KIAA2012: variants seen among roughly 807,000 people sequenced by gnomAD.
The protein encoded by KIAA2012 is uncharacterized protein KIAA2012.
A neutral mutation model predicts 150.6 loss-of-function variants in KIAA2012; 125 were observed. The ratio of observed to expected loss-of-function variants is 0.83; its 90% CI spans 0.72 to 0.96. The LOEUF (loss-of-function observed/expected upper bound fraction) is 0.96. KIAA2012 is among the 40% of genes least tolerant of loss of function. The pLI is 0.00. For missense variants in KIAA2012, 1,219 were observed against 1,354.9 expected (o/e 0.90, Z 1.57); for synonymous variants, 462 against 504.7 (o/e 0.92, Z 1.13).
intron 22 of KIAA2012, 106 bp downstream of exon 22, chr2:202,197,125 C>G: frequency 2.0e-6 from 3 of 1,500,014 alleles, no homozygotes; most frequent in African/African-American, 2.8e-5. Context: ...AAAGTCCCCC[C>G]ACCCCCAGCA....
chr2:202,138,351 T>C, intron 12 of KIAA2012, 81 bp from the exon 13 acceptor site: 1 of 906,934 alleles, frequency 1.1e-6, no homozygotes, highest in Middle Eastern at 2.1e-4. Flanking sequence ...TAGGTGTGTG[T>C]GTGTGTATGG....
chr2:202,074,512 C>T (rs1314421938), intron 1 of KIAA2012, among the ~76,000 whole-genome samples: 1 of 152,186 alleles, frequency 6.6e-6, no homozygotes, highest in Non-Finnish European at 1.5e-5. Context: ...GCTTGGAATG[C>T]TCCTATTTAA....
In KIAA2012 at chr2:202,187,817, A is replaced by T. The variant is rs148648286; in HGVS notation, c.2377-335A>T. ...GATTTAGAATAGTTAACCATTAATC[A>T]TGGCAACACCAATCTATCAAAGGTG... is the stretch of plus-strand genomic sequence containing the variant. On this transcript the variant is annotated intron_variant, in intron 17 of 23. Coordinates refer to ENST00000498697, the MANE Select transcript of KIAA2012 (RefSeq NM_001277372.4). 9.2e-5 allele frequency among the ~76,000 whole-genome samples: 14 copies of T among 152,350 alleles called. No homozygotes were observed. In the East Asian group the frequency reaches 2.3e-3, roughly 25 times the overall value.
At chr2:202,080,557 G>A (rs62193947) in intron 2 of KIAA2012, among the ~76,000 whole-genome samples, 7,764 of 152,046 alleles carry the variant, frequency 0.051, 250 homozygotes, top group Middle Eastern at 0.078. Context: ...TTAGCCAGGC[G>A]TGGTGGTGCA....
At chr2:202,096,025 A>G (rs1434602064) in intron 4 of KIAA2012, among the ~76,000 whole-genome samples, 2 of 152,162 alleles carry the variant, frequency 1.3e-5, no homozygotes, top group Non-Finnish European at 2.9e-5. Context: ...TGGAGGTTGC[A>G]GTGAGCCAAG....
chr2:202,076,687 A>T (rs1574997727), intron 2 of KIAA2012, among the ~76,000 whole-genome samples: 1 of 152,320 alleles, frequency 6.6e-6, no homozygotes, highest in South Asian at 2.1e-4. Context: ...CCAGAGAGCT[A>T]CTAAATGACA....
chr2:202,086,399 G>C (rs1194713915), intron 2 of KIAA2012, among the ~76,000 whole-genome samples: 1 of 152,048 alleles, frequency 6.6e-6, no homozygotes. Context: ...TCGTCTAAAG[G>C]CTCCATATTT....
At position 202,194,228 on chromosome 2, in the gene KIAA2012, A is replaced by C. The variant is rs751319638; in HGVS notation, c.3053A>C (p.Gln1018Pro). 4.5e-6 allele frequency: 7 copies of C among 1,542,418 alleles called. No homozygotes were observed. In the South Asian group the frequency reaches 8.4e-5, roughly 19 times the overall value. Residue 1018 changes from glutamine (Q) to proline (P), a missense_variant, in exon 21 of 24, where the codon CAG becomes CCG. Gln to Pro is a moderately conservative substitution (Grantham distance 76). Coordinates refer to ENST00000498697, the MANE Select transcript of KIAA2012 (RefSeq NM_001277372.4). Reference protein sequence around the residue: ...KQRLQEEQQRQEEEERKQQLR... With the variant: ...KQRLQEEQQRPEEEERKQQLR... ...AGACTCCAAGAAGAACAGCAGCGGCAGGAGGAGGAGGAGAGAAAGCAGCAG... is the reference window on the plus strand; with the variant it reads ...AGACTCCAAGAAGAACAGCAGCGGCCGGAGGAGGAGGAGAGAAAGCAGCAG...
chr2:202,146,752 T>G (rs1691310942), intron 13 of KIAA2012, among the ~76,000 whole-genome samples: 1 of 151,704 alleles, frequency 6.6e-6, no homozygotes, highest in Non-Finnish European at 1.5e-5. Flanking sequence ...TGAGCCATGG[T>G]CATACGACCG....
Position 202,104,173 on chromosome 2 carries a change from C to T in KIAA2012, c.1324+1059C>T, listed in dbSNP as rs888571421. On this transcript the variant is annotated intron_variant, in intron 8 of 23. Transcript: ENST00000498697. This position sits in a 1 kb window ranked among gnomAD's most constrained non-coding sequence, Gnocchi z 4.3. The stretch of plus-strand genomic sequence containing the variant: ...TGAAAAATGTTCTCACTCTGGGTTG[C>T]TTGTATGGATTATAGATTTGTCAAA... Among the ~76,000 whole-genome samples the T allele has an allele frequency of 6.6e-5, 10 of 151,998 alleles. No individual in the cohort carries two copies. Among genetic ancestry groups the T allele is most frequent in the African/African-American group, 1.9e-4 (8 of 41,368 alleles).
At position 202,097,551 on chromosome 2, in the gene KIAA2012, T is replaced by G. The variant is rs1689922207; in HGVS notation, c.802T>G (p.Trp268Gly). The G allele has an allele frequency of 1.3e-6, 2 of 1,549,024 alleles. No individual in the cohort carries two copies. The highest frequency in any genetic ancestry group is 1.7e-6 in the Non-Finnish European group (2 of 1,146,776). ...TRLPPRRKQP[W>G]QEDETQAEDT... ...CTTGCCACCACGCAGGAAGCAGCCC[T>G]GGCAGGAAGATGAAACGCAGGCAGA... Residue 268 changes from tryptophan to glycine, a missense_variant, in exon 5 of 24, where the codon TGG becomes GGG. Transcript: ENST00000498697.
At chr2:202,135,485 TTCTG>T (rs1691040965) in intron 12 of KIAA2012, among the ~76,000 whole-genome samples, 1 of 152,202 alleles carries the variant, frequency 6.6e-6, no homozygotes. Context: ...ACCCCCACTG[TTCTG>T]TCTACCAGGA....
chr2:202,167,291 A>G (rs1278702520), intron 15 of KIAA2012, among the ~76,000 whole-genome samples: 5 of 152,268 alleles, frequency 3.3e-5, no homozygotes, highest in East Asian at 1.9e-4. Flanking sequence ...TCAAACTTCA[A>G]TGTGCATCAG....
intron 15 of KIAA2012, chr2:202,178,915 ATTGAAAAACAGATTAACTG>A (rs753632750): frequency 7.1e-5 from 15 of 210,810 alleles, no homozygotes; most frequent in Non-Finnish European, 1.3e-4. Flanking sequence ...ACAAAATAAC[ATTGAAAAACAGATTAACTG>A]TAGTATTAAG....
At chr2:202,162,581 CTTTTTT>C (rs890834084) in intron 14 of KIAA2012, among the ~76,000 whole-genome samples, 1 of 120,868 alleles carries the variant, frequency 8.3e-6, no homozygotes, top group East Asian at 2.5e-4. Flanking sequence ...GGCCCAGAGT[CTTTTTT>C]TTTTTTTTTT....
At chr2:202,103,161 G>A (rs1056978070) in intron 8 of KIAA2012, 47 bp downstream of exon 8, 1 of 1,531,900 alleles carries the variant, frequency 6.5e-7, no homozygotes, top group Admixed American at 2.0e-5. Flanking sequence ...CCTGGGATGG[G>A]GGGTCCTGCC....
At chr2:202,168,687 C>G (rs184849748) in intron 15 of KIAA2012, among the ~76,000 whole-genome samples, 5 of 152,104 alleles carry the variant, frequency 3.3e-5, no homozygotes, top group African/African-American at 7.2e-5. Context: ...AATGAAGCAG[C>G]CTTCCAGCCT....
At chr2:202,199,813 ACT>A (rs1692480338) in intron 22 of KIAA2012, among the ~76,000 whole-genome samples, 3 of 150,856 alleles carry the variant, frequency 2.0e-5, no homozygotes, top group African/African-American at 4.9e-5. Flanking sequence ...TGCATCAGAC[ACT>A]CTGACAAAAA....
At chr2:202,144,480 C>G (rs1688606905) in intron 13 of KIAA2012, among the ~76,000 whole-genome samples, 1 of 152,068 alleles carries the variant, frequency 6.6e-6, no homozygotes, top group African/African-American at 2.4e-5. Flanking sequence ...ATATCCCCGT[C>G]AGCTCTCCTC....
Sources: gnomAD v4.1 joint callset for allele counts (sites outside exome capture counted in the v4.1 genomes callset) on GRCh38, gnomAD v4.1.1 for gene constraint, Gnocchi (gnomAD v3.1) non-coding constraint, MANE v1.5 for transcripts, NCBI Gene and HGNC (gene_info 2026-07-23, HGNC 2026-07-21) for gene names.